HS6ST3: variants seen among roughly 807,000 people sequenced by gnomAD.
HS6ST3 encodes heparan-sulfate 6-O-sulfotransferase 3.
HS6ST3 carries 12 observed loss-of-function variants against 36.7 expected under a neutral mutation model. That is an observed-to-expected ratio of 0.33 (90% CI 0.21 to 0.53). HS6ST3 has a LOEUF of 0.53. Among genes scored for constraint, HS6ST3 ranks in the 20% least tolerant of loss-of-function variants. The pLI is 0.95. For missense variants in HS6ST3, 584 were observed against 640.9 expected (o/e 0.91, Z 0.96); for synonymous variants, 240 against 257.5 (o/e 0.93, Z 0.65).
chr13:96,379,700 T>C (rs149650173), intron 1 of HS6ST3, among the ~76,000 whole-genome samples: 2 of 152,338 alleles, frequency 1.3e-5, no homozygotes, highest in Admixed American at 1.3e-4. Context: ...ACATTCTGAA[T>C]CTACTGGTTA....
intron 1 of HS6ST3, among the ~76,000 whole-genome samples, chr13:96,365,786 A>C (rs2139437948): frequency 6.6e-6 from 1 of 152,358 alleles, no homozygotes; most frequent in East Asian, 1.9e-4. Context: ...TAGGAAACAT[A>C]GTTGTAATGC....
rs926138268 is a variant in HS6ST3 at position 96,091,278 on chromosome 13, A to G, written c.416A>G (p.Asp139Gly). Residue 139 changes from aspartate to glycine, a missense_variant, in exon 1 of 2, where the codon GAT (aspartate) becomes GGT (glycine). Physicochemically the swap from Asp to Gly is moderately conservative, Grantham distance 94 (BLOSUM62 -1). Coordinates refer to ENST00000376705, the MANE Select transcript of HS6ST3 (RefSeq NM_153456.4). ...FSLKDLTRFV[D>G]FNIKGRDVIV... ...CTGAAGGACCTGACCCGCTTCGTGG[A>G]TTTCAACATCAAAGGGCGCGACGTG... is the stretch of plus-strand genomic sequence containing the variant. 21 of 1,612,700 alleles carry G rather than the reference A, an allele frequency of 1.3e-5. 1 individual carries two copies. The highest frequency in any genetic ancestry group is 1.2e-4 in the Admixed American group (7 of 59,886).
chr13:96,598,552 T>A (rs562246940), intron 1 of HS6ST3, among the ~76,000 whole-genome samples: 2 of 152,298 alleles, frequency 1.3e-5, no homozygotes, highest in South Asian at 4.1e-4. Context: ...CTGAGTTCAT[T>A]TATGAAATCA....
intron 1 of HS6ST3, among the ~76,000 whole-genome samples, chr13:96,368,959 T>C (rs2055276447): frequency 6.6e-6 from 1 of 152,058 alleles, no homozygotes; most frequent in South Asian, 2.1e-4. Flanking sequence ...GAAACATTTA[T>C]CTTACTATCA....
At chr13:96,563,776 A>G (rs2056271148) in intron 1 of HS6ST3, among the ~76,000 whole-genome samples, 1 of 152,170 alleles carries the variant, frequency 6.6e-6, no homozygotes, top group African/African-American at 2.4e-5. Flanking sequence ...TTGATGATAC[A>G]GTCTCTATGT....
chr13:96,484,793 A>G (rs1167365917), intron 1 of HS6ST3, among the ~76,000 whole-genome samples: 1 of 152,200 alleles, frequency 6.6e-6, no homozygotes, highest in Non-Finnish European at 1.5e-5. Flanking sequence ...ATTGTAAATA[A>G]TGCTGCAATG....
chr13:96,641,499 A>G (rs1305689124), intron 1 of HS6ST3, among the ~76,000 whole-genome samples: 1 of 151,770 alleles, frequency 6.6e-6, no homozygotes, highest in Non-Finnish European at 1.5e-5. Context: ...CACTCCATTT[A>G]TATTTAAGGC....
chr13:96,731,060 A>G (rs1413896519), intron 1 of HS6ST3, among the ~76,000 whole-genome samples: 2 of 152,224 alleles, frequency 1.3e-5, no homozygotes, highest in Admixed American at 1.3e-4. Context: ...TAACATAAAC[A>G]TTACCTCGCA....
At chr13:96,689,837 T>C (rs1206530867) in intron 1 of HS6ST3, among the ~76,000 whole-genome samples, 1 of 151,334 alleles carries the variant, frequency 6.6e-6, no homozygotes, top group Non-Finnish European at 1.5e-5. Flanking sequence ...GGCACCTCTT[T>C]TTTATTATAC....
At chr13:96,371,279 C>A (rs1038604069) in intron 1 of HS6ST3, among the ~76,000 whole-genome samples, 1 of 152,080 alleles carries the variant, frequency 6.6e-6, no homozygotes, top group African/African-American at 2.4e-5. Flanking sequence ...TTGCATTTAC[C>A]TGATTACTAA....
intron 1 of HS6ST3, among the ~76,000 whole-genome samples, chr13:96,692,965 G>T (rs1473287261): frequency 6.6e-6 from 1 of 152,072 alleles, no homozygotes; most frequent in Non-Finnish European, 1.5e-5. Context: ...GCTTCAAAGG[G>T]CCATTTGTAG....
chr13:96,785,064 G>T (rs549460221), intron 1 of HS6ST3, among the ~76,000 whole-genome samples: 6 of 152,254 alleles, frequency 3.9e-5, no homozygotes, highest in African/African-American at 1.2e-4. Flanking sequence ...AGCTACTAGA[G>T]AGACTGAGGT....
intron 1 of HS6ST3, among the ~76,000 whole-genome samples, chr13:96,167,936 A>T (rs1377964165): frequency 6.6e-6 from 1 of 152,332 alleles, no homozygotes; most frequent in East Asian, 1.9e-4. Flanking sequence ...TTAGATTATA[A>T]AGCTGGAAGC....
chr13:96,308,543 A>G (rs921626778), intron 1 of HS6ST3, among the ~76,000 whole-genome samples: 4 of 152,102 alleles, frequency 2.6e-5, no homozygotes, highest in African/African-American at 9.7e-5. Context: ...CTTATGTAAA[A>G]GACTTTAACG....
chr13:96,359,720 A>T (rs1289148638), intron 1 of HS6ST3, among the ~76,000 whole-genome samples: 2 of 152,160 alleles, frequency 1.3e-5, no homozygotes, highest in Non-Finnish European at 2.9e-5. Flanking sequence ...GCTGATTCTG[A>T]AGTTATTCAT....
At chr13:96,810,041 T>C (rs574933741) in intron 1 of HS6ST3, among the ~76,000 whole-genome samples, 1 of 152,202 alleles carries the variant, frequency 6.6e-6, no homozygotes, top group African/African-American at 2.4e-5. Flanking sequence ...GAATCAAAGT[T>C]CTGCTTGATT....
At chr13:96,276,467 G>A (rs1226769124) in intron 1 of HS6ST3, among the ~76,000 whole-genome samples, 1 of 152,162 alleles carries the variant, frequency 6.6e-6, no homozygotes, top group Non-Finnish European at 1.5e-5. Flanking sequence ...TTGGCTGTGT[G>A]ATGCTCAGCA....
At chr13:96,232,749 T>C (rs1283456159) in intron 1 of HS6ST3, among the ~76,000 whole-genome samples, 1 of 152,196 alleles carries the variant, frequency 6.6e-6, no homozygotes, top group Non-Finnish European at 1.5e-5. Context: ...AAATGATCGG[T>C]ACCTAAAGAT....
At chr13:96,460,375 T>C (rs977389859) in intron 1 of HS6ST3, among the ~76,000 whole-genome samples, 2 of 152,210 alleles carry the variant, frequency 1.3e-5, no homozygotes, top group African/African-American at 4.8e-5. Context: ...GTTTTATATG[T>C]AGGAGAAAAA....
Sources: allele counts gnomAD v4.1 joint callset (sites outside exome capture counted in the v4.1 genomes callset), GRCh38; gene constraint gnomAD v4.1.1; transcripts MANE v1.5; gene names NCBI Gene and HGNC (gene_info 2026-07-23, HGNC 2026-07-21).